Variants in SLC1A2 observed in about 807,000 individuals in gnomAD.
SLC1A2 encodes the protein solute carrier family 1 member 2.
Under a neutral mutation model 48.8 loss-of-function variants are expected in SLC1A2, and 15 were observed. The ratio of observed to expected loss-of-function variants is 0.31; its 90% confidence interval spans 0.21 to 0.47. SLC1A2 has a LOEUF of 0.47. SLC1A2 is among the 20% of genes least tolerant of loss of function. SLC1A2 has a pLI of 0.99. For missense variants in SLC1A2, 502 were observed against 730.5 expected, an observed-to-expected ratio of 0.69 and a Z score of 3.61; for synonymous variants, 279 against 272.6, an observed-to-expected ratio of 1.02 and a Z score of -0.23.
rs527413555 is a variant in SLC1A2 at position 35,308,072 on chromosome 11, A to G, written c.562-1830T>C. Among the ~76,000 whole-genome samples, 9 of 152,312 alleles carry G rather than the reference A, an allele frequency of 5.9e-5. No homozygotes were observed. The South Asian group carries it at 1.2e-3, about 21-fold the overall frequency. ...AAAAGGGAACCAAAGCCAACTGTCA[A>G]CCTATCCTAAGGATGCTAAAGAAGC... On this transcript the variant is annotated intron_variant, in intron 4 of 10. Transcript: ENST00000278379.
intron 9 of SLC1A2, among the ~76,000 whole-genome samples, chr11:35,266,185 A>G (rs1377384297): frequency 6.6e-6 from 1 of 152,178 alleles, no homozygotes; most frequent in Non-Finnish European, 1.5e-5. Context: ...TGAAGACTCT[A>G]CACTATCTCT....
intron 9 of SLC1A2, among the ~76,000 whole-genome samples, chr11:35,268,593 A>G (rs1011924309): frequency 6.6e-6 from 1 of 151,566 alleles, no homozygotes; most frequent in African/African-American, 2.4e-5. Context: ...TGAACTGGGG[A>G]GGCAGAGGTT....
At chr11:35,261,415 T>C (rs1950392305) in intron 10 of SLC1A2, among the ~76,000 whole-genome samples, 1 of 152,212 alleles carries the variant, frequency 6.6e-6, no homozygotes, top group Admixed American at 6.5e-5. Context: ...TGTCTAATTT[T>C]TAAATCAGAA....
At position 35,311,940 on chromosome 11, in the gene SLC1A2, G is replaced by C. The variant is rs865842198; in HGVS notation, c.561+258C>G. ...AGAGAGAGGCGGGGGGGGGGGGTGG[G>C]GGAGAAAGGAGGACAATCCCACAGC... On this transcript the variant is annotated intron_variant, in intron 4 of 10. Transcript: ENST00000278379. Among the ~76,000 whole-genome samples, 42 of 27,168 alleles carry C rather than the reference G, an allele frequency of 1.5e-3. 6 individuals are homozygous for C. The East Asian group carries it at 0.021, about 14-fold the overall frequency. The allele number at this position is 27,168 out of a possible 152,430, so 17.8% of individuals were successfully genotyped here.
rs1243081371 is a variant in SLC1A2 at position 35,255,033 on chromosome 11, T to G, written c.*5861A>C. On this transcript the variant is annotated 3_prime_UTR_variant, in exon 11 of 11. Transcript: ENST00000278379. ...TTATCTTGCTGCCCTTGCATCAGGT[T>G]TTTTGCACTAATGGAAAAAAGCCGG... is the stretch of plus-strand genomic sequence containing the variant. The G allele has an allele frequency of 3.4e-6, 1 of 298,158 alleles. No individual in the cohort carries two copies. Among genetic ancestry groups the G allele is most frequent in the Non-Finnish European group, 6.6e-6 (1 of 152,626 alleles). The allele number at this position is 298,158 out of a possible 1,614,324, so 18.5% of individuals were successfully genotyped here.
At chr11:35,419,822 G>A (rs372051153), upstream of SLC1A2, 9 of 366,220 alleles carry the variant, frequency 2.5e-5, no homozygotes, top group Middle Eastern at 9.6e-4. This position sits in a 1 kb window ranked among gnomAD's most constrained non-coding sequence, Gnocchi z 5.4. Context: ...CGGAGACCCG[G>A]GATGCCCCTC....
intron 1 of SLC1A2, among the ~76,000 whole-genome samples, chr11:35,410,700 C>T (rs1855431569): frequency 6.6e-6 from 1 of 152,138 alleles, no homozygotes; most frequent in Admixed American, 6.5e-5. Context: ...CCAGCACAGC[C>T]CCATTCAATG....
At chr11:35,310,298 G>A (rs1022383088) in intron 4 of SLC1A2, among the ~76,000 whole-genome samples, 14 of 152,194 alleles carry the variant, frequency 9.2e-5, no homozygotes, top group African/African-American at 3.4e-4. Context: ...TTTCCAAAAT[G>A]TTAAGAATGG....
chr11:35,307,912 G>C (rs1312212498), intron 4 of SLC1A2, among the ~76,000 whole-genome samples: 1 of 152,192 alleles, frequency 6.6e-6, no homozygotes, highest in African/African-American at 2.4e-5. Flanking sequence ...AGGGCCTGCT[G>C]TGTGAGGGGA....
At chr11:35,336,718 T>C (rs926871857) in intron 1 of SLC1A2, among the ~76,000 whole-genome samples, 6 of 152,256 alleles carry the variant, frequency 3.9e-5, no homozygotes, top group Admixed American at 6.5e-5. Flanking sequence ...TGTAGGACTA[T>C]GCTCAAGTAA....
intron 6 of SLC1A2, among the ~76,000 whole-genome samples, chr11:35,297,158 A>G (rs1565222531): frequency 6.6e-6 from 1 of 152,160 alleles, no homozygotes. Flanking sequence ...CCGGTTTAGC[A>G]AAAAACTCAT....
intron 9 of SLC1A2, among the ~76,000 whole-genome samples, chr11:35,277,043 G>C (rs1850462844): frequency 6.6e-6 from 1 of 152,112 alleles, no homozygotes; most frequent in South Asian, 2.1e-4. Context: ...GGGCAAGAAG[G>C]GGCTGAATTC....
At chr11:35,269,650 C>G (rs557752887) in intron 9 of SLC1A2, among the ~76,000 whole-genome samples, 3 of 152,314 alleles carry the variant, frequency 2.0e-5, no homozygotes, top group South Asian at 2.1e-4. Context: ...GCCACTGAAG[C>G]AGCCAAGTTT....
chr11:35,276,113 C>G (rs1387368268), intron 9 of SLC1A2, among the ~76,000 whole-genome samples: 3 of 152,324 alleles, frequency 2.0e-5, no homozygotes, highest in Admixed American at 1.3e-4. Context: ...CAGAATTCTA[C>G]TCTAGGTCTT....
At chr11:35,286,633 T>C (rs1850830064) in intron 8 of SLC1A2, 124 bp downstream of exon 8, 1 of 674,820 alleles carries the variant, frequency 1.5e-6, no homozygotes, top group Non-Finnish European at 2.4e-6. Flanking sequence ...TAGTTTCTCT[T>C]TTTTTATTAC....
rs1950252852 is a variant in SLC1A2 at position 35,252,544 on chromosome 11, G to A, written c.*8350C>T. Reference sequence around the variant, plus strand: ...CCAGCCCATCCCTGCTCTGAATTGTGTATTTACAAAGGTGCTGGACACACA... The same window carrying A: ...CCAGCCCATCCCTGCTCTGAATTGTATATTTACAAAGGTGCTGGACACACA... On this transcript the variant is annotated 3_prime_UTR_variant, in exon 11 of 11. Coordinates refer to ENST00000278379, the MANE Select transcript of SLC1A2 (RefSeq NM_004171.4). The A allele has an allele frequency of 6.6e-6, 1 of 152,156 alleles. No individual in the cohort carries two copies. Among genetic ancestry groups the A allele is most frequent in the Non-Finnish European group, 1.5e-5 (1 of 68,048 alleles). 9.4% of individuals were successfully genotyped at this position (152,156 alleles called of 1,614,324 possible).
chr11:35,377,207 G>C (rs1854268748), intron 1 of SLC1A2, among the ~76,000 whole-genome samples: 1 of 152,174 alleles, frequency 6.6e-6, no homozygotes, highest in Non-Finnish European at 1.5e-5. Flanking sequence ...AGGTCAGAGG[G>C]GTTAAGCAAC....
At chr11:35,261,004 CG>C (rs1565196960) in intron 10 of SLC1A2, 39 bp from the exon 11 acceptor site, 1 of 1,525,900 alleles carries the variant, frequency 6.6e-7, no homozygotes, top group East Asian at 2.3e-5. Flanking sequence ...TTACAGACCA[CG>C]AACCAGAAAA....
In SLC1A2 at chr11:35,301,659, C is replaced by T; in HGVS notation, c.731-14G>A. Reference sequence around the variant, plus strand: ...ACCCTATCAGACCTGTTGGATGAATCACATTACATAGAAGGACAAATTACA... The same window carrying T: ...ACCCTATCAGACCTGTTGGATGAATTACATTACATAGAAGGACAAATTACA... On this transcript the variant is annotated splice_polypyrimidine_tract_variant and intron_variant, in intron 5 of 10. Transcript: ENST00000278379. The T allele has an allele frequency of 6.2e-7, 1 of 1,612,178 alleles. No homozygotes were observed. Among genetic ancestry groups the T allele is most frequent in the Non-Finnish European group, 8.5e-7 (1 of 1,179,086 alleles).
Sources: allele counts gnomAD v4.1 joint callset (sites outside exome capture counted in the v4.1 genomes callset), GRCh38; gene constraint gnomAD v4.1.1; non-coding constraint Gnocchi (gnomAD v3.1); transcripts MANE v1.5; gene names NCBI Gene and HGNC (gene_info 2026-07-23, HGNC 2026-07-21).